NAALADL2: variants seen among roughly 807,000 people sequenced by gnomAD.
NAALADL2 encodes the protein N-acetylated alpha-linked acidic dipeptidase like 2.
NAALADL2 carries 76 observed loss-of-function variants against 87.2 expected under a neutral mutation model. The ratio of observed to expected loss-of-function variants is 0.87; its 90% confidence interval spans 0.72 to 1.05. The LOEUF (loss-of-function observed/expected upper bound fraction) is 1.05. Among genes scored for constraint, NAALADL2 ranks in the 50% least tolerant of loss-of-function variants. The pLI, the probability that NAALADL2 is intolerant of heterozygous loss-of-function variation, is 0.00. For synonymous variants in NAALADL2, 354 were observed against 331.0 expected (o/e 1.07, Z -0.75); for missense variants, 1,089 against 945.8 (o/e 1.15, Z -1.99).
intron 1 of NAALADL2, among the ~76,000 whole-genome samples, chr3:174,458,125 C>T (rs1465307942): frequency 1.3e-5 from 2 of 152,058 alleles, no homozygotes; most frequent in Non-Finnish European, 2.9e-5. Context: ...TGCACATACA[C>T]CCTTGAACTT....
At chr3:174,892,615 T>A (rs1336398246) in intron 1 of NAALADL2, among the ~76,000 whole-genome samples, 1 of 152,000 alleles carries the variant, frequency 6.6e-6, no homozygotes, top group Non-Finnish European at 1.5e-5. Context: ...GAGAAAAATA[T>A]CAATATCCAA....
At chr3:175,602,528 A>G (rs561056216) in intron 10 of NAALADL2, among the ~76,000 whole-genome samples, 1 of 152,026 alleles carries the variant, frequency 6.6e-6, no homozygotes, top group South Asian at 2.1e-4. Context: ...CACACACATT[A>G]TTTTTAGCTC....
intron 1 of NAALADL2, among the ~76,000 whole-genome samples, chr3:175,018,804 C>A (rs1751188991): frequency 6.6e-6 from 1 of 152,032 alleles, no homozygotes; most frequent in African/African-American, 2.4e-5. Flanking sequence ...ATAGTGCCTC[C>A]ATACCAAATA....
intron 1 of NAALADL2, among the ~76,000 whole-genome samples, chr3:175,034,134 A>G (rs973623374): frequency 6.6e-6 from 1 of 152,032 alleles, no homozygotes; most frequent in African/African-American, 2.4e-5. Context: ...CTTTTCAAGT[A>G]TGTTTAGGAT....
Position 175,463,460 on chromosome 3 carries a change from G to C in NAALADL2, c.1294G>C (p.Val432Leu), listed in dbSNP as rs189064809. 6.3e-7 allele frequency: 1 copy of C among 1,599,996 alleles called. No homozygotes were observed. The highest frequency in any genetic ancestry group is 2.2e-5 in the East Asian group (1 of 44,460). Residue 432 changes from valine to leucine, a missense_variant, in exon 7 of 14, where the codon GTT becomes CTT. Physicochemically the swap from Val to Leu is conservative, Grantham distance 32. Transcript: ENST00000454872. ...CACAAAATTGAAAACAGTTACTAAT[G>C]TTGTTGGATTTGTAATGGGCTTGAC... ...TVTKLKTVTNVVGFVMGLTSP... is the reference protein window; with the variant it reads ...TVTKLKTVTNLVGFVMGLTSP...
chr3:175,114,195 T>C (rs901322124), intron 2 of NAALADL2, among the ~76,000 whole-genome samples: 1 of 151,646 alleles, frequency 6.6e-6, no homozygotes, highest in South Asian at 2.1e-4. Flanking sequence ...GTCATAATTG[T>C]ACTAATGCAG....
chr3:175,653,326 C>G (rs755871210), intron 11 of NAALADL2, among the ~76,000 whole-genome samples: 2 of 152,094 alleles, frequency 1.3e-5, no homozygotes, highest in Non-Finnish European at 2.9e-5. Context: ...GGGCTCATAT[C>G]GTAGAAGGGT....
intron 2 of NAALADL2, among the ~76,000 whole-genome samples, chr3:174,662,580 G>A (rs1216948707): frequency 2.0e-5 from 3 of 151,986 alleles, no homozygotes; most frequent in Non-Finnish European, 4.4e-5. Context: ...CTTGATCAGA[G>A]TTAATAAAAG....
chr3:175,327,249 G>A (rs942584229), intron 5 of NAALADL2, among the ~76,000 whole-genome samples: 9 of 147,128 alleles, frequency 6.1e-5, no homozygotes, highest in African/African-American at 1.5e-4. Context: ...TCCGCCTCCC[G>A]GGTTCATGCC....
At chr3:175,342,172 GTT>G (rs1367811333) in intron 5 of NAALADL2, among the ~76,000 whole-genome samples, 1 of 152,012 alleles carries the variant, frequency 6.6e-6, no homozygotes, top group Non-Finnish European at 1.5e-5. Flanking sequence ...AGCATCTACT[GTT>G]TTAAAAGTCT....
chr3:174,909,320 G>A lies in NAALADL2; in HGVS notation c.43+49870G>A, dbSNP rs576444159. The stretch of plus-strand genomic sequence containing the variant: ...GAGACAGGAGAATTGCTTGAATCCC[G>A]GGAGACAGAGGTCGCCATGAGCCAA... On this transcript the variant is annotated intron_variant, in intron 1 of 13. Transcript: ENST00000454872. Among the ~76,000 whole-genome samples the A allele has an allele frequency of 1.1e-4, 16 of 152,076 alleles. No individual in the cohort carries two copies. In the East Asian group the frequency reaches 2.5e-3, roughly 24 times the overall value.
chr3:175,605,646 T>TTTTTTTTG (rs752081171), intron 10 of NAALADL2, among the ~76,000 whole-genome samples: 10 of 131,062 alleles, frequency 7.6e-5, no homozygotes, highest in African/African-American at 2.6e-4. Context: ...GCTTGTTTTT[T>TTTTTTTTG]TTTTTTTTTT....
At chr3:175,739,351 C>T (rs981648028) in intron 12 of NAALADL2, among the ~76,000 whole-genome samples, 5 of 152,170 alleles carry the variant, frequency 3.3e-5, no homozygotes, top group African/African-American at 1.2e-4. Context: ...CTTGTTAGCA[C>T]ATTGGCACAT....
intron 5 of NAALADL2, among the ~76,000 whole-genome samples, chr3:175,412,891 TTTATTATTATTATTATTATTA>T (rs58135076): frequency 3.3e-5 from 4 of 123,012 alleles, no homozygotes; most frequent in African/African-American, 1.2e-4. Context: ...ATTTAATTTA[TTTATTATTATTATTATTATTA>T]TTATTATTAT....
At chr3:175,008,557 G>A (rs1386263840) in intron 1 of NAALADL2, among the ~76,000 whole-genome samples, 1 of 152,138 alleles carries the variant, frequency 6.6e-6, no homozygotes, top group Non-Finnish European at 1.5e-5. Flanking sequence ...TTTGGGACCA[G>A]TAATTCAGGC....
chr3:174,855,187 A>T (rs771532090), upstream of NAALADL2, among the ~76,000 whole-genome samples: 4 of 152,088 alleles, frequency 2.6e-5, no homozygotes, highest in Admixed American at 2.0e-4. Flanking sequence ...TTTTTATATC[A>T]GCATCAACAC....
At chr3:174,656,230 A>C (rs1428216402) in intron 2 of NAALADL2, among the ~76,000 whole-genome samples, 1 of 152,212 alleles carries the variant, frequency 6.6e-6, no homozygotes, top group African/African-American at 2.4e-5. Flanking sequence ...AAGTAGGTGA[A>C]GCTCTGTTAC....
In NAALADL2 at chr3:174,763,586, C is replaced by CAAAAAAAAAAAAAAAAA. The variant is rs1163373340; in HGVS notation, c.-9+25855_-9+25856insAAAAAAAAAAAAAAAAA. On this transcript the variant is annotated intron_variant, in intron 3 of 3. Transcript: ENST00000434257. The stretch of plus-strand genomic sequence containing the variant: ...TGGGCTACAGAGCGAGACTCCATCT[C>CAAAAAAAAAAAAAAAAA]AAAAAAAAAAAAAAAGACTAAAATG... Among the ~76,000 whole-genome samples, 18 of 48,354 alleles carry CAAAAAAAAAAAAAAAAA rather than the reference C, an allele frequency of 3.7e-4. 3 individuals carry two copies. The highest frequency in any genetic ancestry group is 1.5e-3 in the African/African-American group (15 of 10,132). The allele number at this position is 48,354 out of a possible 152,430, so 31.7% of individuals were successfully genotyped here. A position where few individuals can be genotyped will look rare whatever the true frequency, so the allele number is the denominator to read the frequency against.
At chr3:174,942,695 A>G (rs1738804210) in intron 1 of NAALADL2, among the ~76,000 whole-genome samples, 1 of 152,076 alleles carries the variant, frequency 6.6e-6, no homozygotes. Context: ...TAGCCTCTTT[A>G]CATAATCCCA....
Sources: allele counts gnomAD v4.1 joint callset (sites outside exome capture counted in the v4.1 genomes callset), GRCh38; gene constraint gnomAD v4.1.1; transcripts MANE v1.5; gene names NCBI Gene and HGNC (gene_info 2026-07-23, HGNC 2026-07-21).